LRP1B: variants seen among roughly 807,000 people sequenced by gnomAD.
LRP1B encodes the protein low-density lipoprotein receptor-related protein 1B.
A neutral mutation model predicts 556.6 loss-of-function variants in LRP1B; 217 were observed. The ratio of observed to expected loss-of-function variants is 0.39; its 90% CI spans 0.35 to 0.44. The LOEUF (loss-of-function observed/expected upper bound fraction) is 0.44. Ranked by LOEUF, LRP1B falls within the 20% of genes least tolerant of loss-of-function variation. The pLI, the probability that LRP1B is intolerant of heterozygous loss-of-function variation, is 1.00. For missense variants in LRP1B, 5,053 were observed against 5,620.8 expected, an observed-to-expected ratio of 0.90 and a Z score of 3.23; for synonymous variants, 2,047 against 1,865.8, an observed-to-expected ratio of 1.10 and a Z score of -2.50.
chr2:141,062,313 G>T, intron 7 of LRP1B, 40 bp from the exon 8 acceptor site: 1 of 1,419,912 alleles, frequency 7.0e-7, no homozygotes, highest in Non-Finnish European at 9.7e-7. Context: ...GAGGGTGGGG[G>T]AGGGAAGCAC....
chr2:140,457,723 G>C, intron 60 of LRP1B, 72 bp from the exon 61 acceptor site: 1 of 1,207,234 alleles, frequency 8.3e-7, no homozygotes, highest in South Asian at 1.3e-5. Context: ...ATACTACATG[G>C]GCTGACAGAT....
chr2:141,366,923 C>A (rs1486050318), intron 3 of LRP1B, among the ~76,000 whole-genome samples: 1 of 152,150 alleles, frequency 6.6e-6, no homozygotes, highest in Admixed American at 6.5e-5. Context: ...CCTTTTAACT[C>A]ACTTGAAATT....
At chr2:141,628,071 G>C (rs1688765557) in intron 2 of LRP1B, among the ~76,000 whole-genome samples, 1 of 152,168 alleles carries the variant, frequency 6.6e-6, no homozygotes, top group African/African-American at 2.4e-5. Flanking sequence ...CTGGGTAAAA[G>C]AGCAAACAGG....
rs191723632 is a variant in LRP1B, at chr2:140,558,873, C to T, written c.7195-16902G>A. Among the ~76,000 whole-genome samples, 290 of 151,030 alleles carry T rather than the reference C, an allele frequency of 1.9e-3. 1 individual carries two copies. Among genetic ancestry groups the T allele is most frequent in the Non-Finnish European group, 4.1e-4 (28 of 67,770 alleles). ...ATAGCTTAAACCTGGGAGGTAGAGG[C>T]TGCAGTGAGTTGTAATGCCACCACT... On this transcript the variant is annotated intron_variant, in intron 43 of 90. Transcript: ENST00000389484.
At chr2:141,193,857 G>C (rs1213348190) in intron 6 of LRP1B, among the ~76,000 whole-genome samples, 1 of 151,802 alleles carries the variant, frequency 6.6e-6, no homozygotes, top group Non-Finnish European at 1.5e-5. Context: ...GCCATCCAAG[G>C]ATTACTTCAT....
In LRP1B at chr2:140,403,829, G is replaced by T. The variant is rs139599250; in HGVS notation, c.10415-17820C>A. On this transcript the variant is annotated intron_variant, in intron 66 of 90. Transcript: ENST00000389484. ...TGTCACCAAGACACATAGTCATCAG[G>T]CTATCTAAAGTTAATATGAAGAAAA... 2.2e-3 allele frequency among the ~76,000 whole-genome samples: 329 copies of T among 152,196 alleles called. 2 individuals carry two copies. The highest frequency in any genetic ancestry group is 7.6e-3 in the African/African-American group (317 of 41,540).
intron 1 of LRP1B, among the ~76,000 whole-genome samples, chr2:142,088,130 C>T (rs1706015322): frequency 6.6e-6 from 1 of 151,796 alleles, no homozygotes; most frequent in South Asian, 2.1e-4. Context: ...TATCTGTTTC[C>T]ATTGAAAAAT....
At chr2:141,070,213 C>T (rs1160993540) in intron 7 of LRP1B, among the ~76,000 whole-genome samples, 1 of 151,692 alleles carries the variant, frequency 6.6e-6, no homozygotes, top group Non-Finnish European at 1.5e-5. Context: ...CTCAAAACCG[C>T]TCAACTACAT....
intron 1 of LRP1B, among the ~76,000 whole-genome samples, chr2:141,883,011 C>T (rs1273925791): frequency 2.0e-5 from 3 of 152,106 alleles, no homozygotes; most frequent in East Asian, 1.9e-4. Context: ...ATTCATCTTC[C>T]TTATGGTTAA....
chr2:140,409,012 T>C (rs1311029219), intron 66 of LRP1B, among the ~76,000 whole-genome samples: 1 of 151,952 alleles, frequency 6.6e-6, no homozygotes, highest in East Asian at 1.9e-4. Context: ...TCTCTTCCTC[T>C]GAAAGGAGCA....
At chr2:141,576,785 C>T (rs576759847) in intron 2 of LRP1B, among the ~76,000 whole-genome samples, 2 of 60,496 alleles carry the variant, frequency 3.3e-5, no homozygotes, top group African/African-American at 9.0e-5. Context: ...TCAGTCTGAC[C>T]CTGAAGCATA....
chr2:141,236,807 T>C (rs748665725), intron 5 of LRP1B, among the ~76,000 whole-genome samples: 2 of 152,154 alleles, frequency 1.3e-5, no homozygotes, highest in Non-Finnish European at 2.9e-5. Context: ...AATGGCCATA[T>C]GTGGCAATGT....
chr2:141,533,229 T>C (rs558780455), intron 2 of LRP1B, among the ~76,000 whole-genome samples: 1 of 152,326 alleles, frequency 6.6e-6, no homozygotes, highest in African/African-American at 2.4e-5. Flanking sequence ...ATAATAATTC[T>C]GTAATATGAT....
chr2:141,075,218 G>T (rs186425891), intron 7 of LRP1B, among the ~76,000 whole-genome samples: 4 of 152,246 alleles, frequency 2.6e-5, no homozygotes, highest in African/African-American at 9.6e-5. Flanking sequence ...AATGTAGAAA[G>T]TAGAAATGGA....
intron 14 of LRP1B, among the ~76,000 whole-genome samples, chr2:141,010,877 GAC>G (rs1243859245): frequency 6.6e-6 from 1 of 151,522 alleles, no homozygotes; most frequent in Non-Finnish European, 1.5e-5. Context: ...CTAATTTTCT[GAC>G]ACTGAGTCTA....
chr2:140,885,949 C>A (rs1483514490), intron 24 of LRP1B, among the ~76,000 whole-genome samples, 189 bp downstream of exon 24: 1 of 151,624 alleles, frequency 6.6e-6, no homozygotes, highest in Admixed American at 6.6e-5. Flanking sequence ...ACAGCACGAG[C>A]GTCACCACTT....
At position 140,596,488 on chromosome 2, in the gene LRP1B, G is replaced by A. The variant is rs187955900; in HGVS notation, c.7194+2143C>T. The stretch of plus-strand genomic sequence containing the variant: ...TGAGTAAATCTACTTGGTTTACTAC[G>A]TAAATCAGCAGAACTTCAAATTTTA... On this transcript the variant is annotated intron_variant, in intron 43 of 90. Coordinates refer to ENST00000389484, the MANE Select transcript of LRP1B (RefSeq NM_018557.3). Among the ~76,000 whole-genome samples the A allele has an allele frequency of 3.9e-5, 6 of 152,232 alleles. No individual in the cohort carries two copies. The East Asian group carries it at 1.2e-3, about 29-fold the overall frequency.
At position 140,444,662 on chromosome 2, in the gene LRP1B, G is replaced by C. The variant is rs1366404163; in HGVS notation, c.10075C>G (p.Pro3359Ala). ...PDDCPEFRCQ[P>A]GRFQCGTGLC... Reference sequence around the variant, plus strand: ...CCAGTCCCACACTGAAATCGGCCTGGCTGACATCTAAATTCAGCTAGGGGA... The same window carrying C: ...CCAGTCCCACACTGAAATCGGCCTGCCTGACATCTAAATTCAGCTAGGGGA... The change falls in exon 64 of 91, where the codon CCA becomes GCA. Residue 3359 changes from proline to alanine, a missense_variant. This residue lies in a region of LRP1B where 262 missense variants were observed against 395.1 expected (regional missense o/e 0.66). Coordinates refer to ENST00000389484, the MANE Select transcript of LRP1B (RefSeq NM_018557.3). The C allele has an allele frequency of 1.9e-6, 3 of 1,612,768 alleles. No homozygotes were observed. Among genetic ancestry groups the C allele is most frequent in the Non-Finnish European group, 2.5e-6 (3 of 1,179,026 alleles).
At chr2:141,420,945 T>C (rs1680112855) in intron 3 of LRP1B, among the ~76,000 whole-genome samples, 2 of 152,208 alleles carry the variant, frequency 1.3e-5, no homozygotes, top group South Asian at 4.1e-4. Context: ...ATTGGAGTGT[T>C]CTACCCTGAT....
Sources: allele counts gnomAD v4.1 joint callset (sites outside exome capture counted in the v4.1 genomes callset), GRCh38; gene constraint gnomAD v4.1.1; regional missense constraint gnomAD v4.1.1; transcripts MANE v1.5; gene names NCBI Gene and HGNC (gene_info 2026-07-23, HGNC 2026-07-21).